The following ASB13 variants were observed in gnomAD, a reference collection of about 807,000 sequenced individuals.
ASB13 encodes ankyrin repeat and SOCS box protein 13.
ASB13 carries 33 observed loss-of-function variants against 28.8 expected under a neutral mutation model. The observed-to-expected ratio is 1.15, with a 90% CI of 0.87 to 1.53. The LOEUF (loss-of-function observed/expected upper bound fraction) is 1.53, where lower values mean the gene tolerates loss of function less well. ASB13 is among the 40% of genes most tolerant of loss of function. The pLI is 0.00. For synonymous variants in ASB13, 182 were observed against 172.9 expected (o/e 1.05, Z -0.41); for missense variants, 414 against 390.1 (o/e 1.06, Z -0.52).
rs1835216136 is a variant in ASB13, at chr10:5,664,060, G to A, written c.43+2449C>T. Reference sequence around the variant, plus strand: ...TGGGGAGTGATTTCCAGACCATCGGGGGAGCTGGAGAGCAGGCTGGTGCAG... The same window carrying A: ...TGGGGAGTGATTTCCAGACCATCGGAGGAGCTGGAGAGCAGGCTGGTGCAG... On this transcript the variant is annotated intron_variant, in intron 1 of 5. Transcript: ENST00000357700. This position sits in a 1 kb window ranked among gnomAD's most constrained non-coding sequence, Gnocchi z 4.2. 6.6e-6 allele frequency among the ~76,000 whole-genome samples: 1 copy of A among 152,134 alleles called. No individual in the cohort carries two copies. Among genetic ancestry groups the A allele is most frequent in the South Asian group, 2.1e-4 (1 of 4,824 alleles).
At position 5,645,048 on chromosome 10, in the gene ASB13, G is replaced by A. The variant is rs1036375354; in HGVS notation, c.518-3087C>T. ...TAAAAGCTCTGAACTTCGTGCTTCA[G>A]AGAAAAGGGGTCAACACAGGCTCAT... On this transcript the variant is annotated intron_variant, in intron 4 of 5. Transcript: ENST00000357700. This position sits in a 1 kb window ranked among gnomAD's most constrained non-coding sequence, Gnocchi z 5.4. Among the ~76,000 whole-genome samples, 1 of 152,022 alleles carries A rather than the reference G, an allele frequency of 6.6e-6. No homozygotes were observed. Among genetic ancestry groups the A allele is most frequent in the African/African-American group, 2.4e-5 (1 of 41,386 alleles).
rs1835124499 is a variant in ASB13, at chr10:5,659,444, C to T, written c.44-6394G>A. Among the ~76,000 whole-genome samples, 1 of 152,192 alleles carries T rather than the reference C, an allele frequency of 6.6e-6. No individual in the cohort carries two copies. The highest frequency in any genetic ancestry group is 1.5e-5 in the Non-Finnish European group (1 of 68,030). ...ACCATGCAGTCACAGGCCCTGTCCCCAGGCTCCCCGTCATGCACACAGCCG... is the reference window on the plus strand; with the variant it reads ...ACCATGCAGTCACAGGCCCTGTCCCTAGGCTCCCCGTCATGCACACAGCCG... On this transcript the variant is annotated intron_variant, in intron 1 of 5. Coordinates refer to ENST00000357700, the MANE Select transcript of ASB13 (RefSeq NM_024701.4). This position sits in a 1 kb window ranked among gnomAD's most constrained non-coding sequence, Gnocchi z 5.8.
At position 5,659,683 on chromosome 10, in the gene ASB13, A is replaced by C; in HGVS notation, c.44-6633T>G. ...CACCCCCCCACGCCATCTCCACACT[A>C]TTGCCCCACCACCAGCTGATCAGCA... On this transcript the variant is annotated intron_variant, in intron 1 of 5. Coordinates refer to ENST00000357700, the MANE Select transcript of ASB13 (RefSeq NM_024701.4). The surrounding 1 kb of genome is among the most constrained non-coding windows in gnomAD (Gnocchi z 5.8). Among the ~76,000 whole-genome samples the C allele has an allele frequency of 6.7e-6, 1 of 149,468 alleles. No homozygotes were observed. Among genetic ancestry groups the C allele is most frequent in the African/African-American group, 2.5e-5 (1 of 40,310 alleles).
chr10:5,652,692 T>TC lies in ASB13; in HGVS notation c.231+170dup, dbSNP rs1835005940. Among the ~76,000 whole-genome samples, 1 of 152,262 alleles carries TC rather than the reference T, an allele frequency of 6.6e-6. No individual in the cohort carries two copies. The highest frequency in any genetic ancestry group is 2.4e-5 in the African/African-American group (1 of 41,568). On this transcript the variant is annotated intron_variant, in intron 2 of 5. Coordinates refer to ENST00000357700, the MANE Select transcript of ASB13 (RefSeq NM_024701.4). The surrounding 1 kb of genome is among the most constrained non-coding windows in gnomAD (Gnocchi z 5.0). ...TGCCCTTTCTTCCACCACCGTGACC[T>TC]CCTAACAGCCAGGTCCACGAGCACT...
rs1835215542 is a variant in ASB13 at position 5,664,044 on chromosome 10, A to G, written c.43+2465T>C. Among the ~76,000 whole-genome samples, 1 of 152,140 alleles carries G rather than the reference A, an allele frequency of 6.6e-6. No individual in the cohort carries two copies. The highest frequency in any genetic ancestry group is 6.5e-5 in the Admixed American group (1 of 15,280). The stretch of plus-strand genomic sequence containing the variant: ...TAGAAAACAAACAGGCTGGGGAGTG[A>G]TTTCCAGACCATCGGGGGAGCTGGA... On this transcript the variant is annotated intron_variant, in intron 1 of 5. Transcript: ENST00000357700. This position sits in a 1 kb window ranked among gnomAD's most constrained non-coding sequence, Gnocchi z 4.2.
Position 5,660,626 on chromosome 10 carries a change from C to G in ASB13, c.43+5883G>C, listed in dbSNP as rs1396077509. Among the ~76,000 whole-genome samples the G allele has an allele frequency of 6.6e-6, 1 of 152,178 alleles. No homozygotes were observed. Among genetic ancestry groups the G allele is most frequent in the African/African-American group, 2.4e-5 (1 of 41,434 alleles). On this transcript the variant is annotated intron_variant, in intron 1 of 5. Transcript: ENST00000357700. This position sits in a 1 kb window ranked among gnomAD's most constrained non-coding sequence, Gnocchi z 6.1. ...ACTGAAGAAAATCGTGCCTGGCCACCTGTAAATGCTGTGAGTAACAGGCAC... is the reference window on the plus strand; with the variant it reads ...ACTGAAGAAAATCGTGCCTGGCCACGTGTAAATGCTGTGAGTAACAGGCAC...
At position 5,664,684 on chromosome 10, in the gene ASB13, A is replaced by T. The variant is rs550723705; in HGVS notation, c.43+1825T>A. ...AATTTCTTTATTTCTTTATTTATTTATTTTATTTATTTTTGAGACGGAGTC... is the reference window on the plus strand; with the variant it reads ...AATTTCTTTATTTCTTTATTTATTTTTTTTATTTATTTTTGAGACGGAGTC... On this transcript the variant is annotated intron_variant, in intron 1 of 5. Transcript: ENST00000357700. This position sits in a 1 kb window ranked among gnomAD's most constrained non-coding sequence, Gnocchi z 4.2. Among the ~76,000 whole-genome samples the T allele has an allele frequency of 1.3e-5, 2 of 152,044 alleles. No homozygotes were observed. Among genetic ancestry groups the T allele is most frequent in the African/African-American group, 4.8e-5 (2 of 41,478 alleles).
Position 5,663,258 on chromosome 10 carries a change from AG to A in ASB13, c.43+3250del, listed in dbSNP as rs1193339639. Among the ~76,000 whole-genome samples, 1 of 152,216 alleles carries A rather than the reference AG, an allele frequency of 6.6e-6. No homozygotes were observed. The highest frequency in any genetic ancestry group is 1.5e-5 in the Non-Finnish European group (1 of 68,038). On this transcript the variant is annotated intron_variant, in intron 1 of 5. Transcript: ENST00000357700. The surrounding 1 kb of genome is among the most constrained non-coding windows in gnomAD (Gnocchi z 4.9). ...AGAGGTGAAAATAGGTGGGCTAAGG[AG>A]TAAAGGAACTGGGAGAAAGGACCGA... is the stretch of plus-strand genomic sequence containing the variant.
intron 1 of ASB13, among the ~76,000 whole-genome samples, chr10:5,657,339 A>C (rs1835088904): frequency 6.6e-6 from 1 of 152,210 alleles, no homozygotes; most frequent in Non-Finnish European, 1.5e-5. Flanking sequence ...AAACAAAAAA[A>C]ACAAATAACC....
At position 5,641,688 on chromosome 10, in the gene ASB13, C is replaced by T. The variant is rs1389520269; in HGVS notation, c.709+82G>A. 10 of 1,422,724 alleles carry T rather than the reference C, an allele frequency of 7.0e-6. No individual in the cohort carries two copies. Among genetic ancestry groups the T allele is most frequent in the Admixed American group, 2.1e-5 (1 of 47,110 alleles). 88.1% of individuals were successfully genotyped at this position (1,422,724 alleles called of 1,614,324 possible). On this transcript the variant is annotated intron_variant, in intron 5 of 5. Transcript: ENST00000357700. This position sits in a 1 kb window ranked among gnomAD's most constrained non-coding sequence, Gnocchi z 8.4. ...CCAGGACTAACAGCCCAGCTCTCCGCGGAAGCCCACAGGGAGCCGGCACGT... is the reference window on the plus strand; with the variant it reads ...CCAGGACTAACAGCCCAGCTCTCCGTGGAAGCCCACAGGGAGCCGGCACGT...
intron 1 of ASB13, 67 bp downstream of exon 1, chr10:5,666,442 G>GAT: frequency 8.1e-7 from 1 of 1,232,810 alleles, no homozygotes; most frequent in African/African-American, 1.6e-5. Context: ...CAGGCCATCG[G>GAT]ATACGCGGCC....
At position 5,652,479 on chromosome 10, in the gene ASB13, T is replaced by G. The variant is rs545917448; in HGVS notation, c.231+384A>C. ...AACACAGTTTTGTTTTTGTTCCTTT[T>G]TTCAGAGAGCTGGCTGGCCAGCATC... On this transcript the variant is annotated intron_variant, in intron 2 of 5. Transcript: ENST00000357700. The surrounding 1 kb of genome is among the most constrained non-coding windows in gnomAD (Gnocchi z 5.0). 6.2e-4 allele frequency among the ~76,000 whole-genome samples: 94 copies of G among 152,324 alleles called. No homozygotes were observed. Among genetic ancestry groups the G allele is most frequent in the African/African-American group, 2.2e-3 (90 of 41,574 alleles).
At position 5,649,932 on chromosome 10, in the gene ASB13, C is replaced by G. The variant is rs576211874; in HGVS notation, c.383-828G>C. Among the ~76,000 whole-genome samples, 242 of 152,322 alleles carry G rather than the reference C, an allele frequency of 1.6e-3. No homozygotes were observed. The highest frequency in any genetic ancestry group is 2.5e-3 in the Non-Finnish European group (172 of 68,018). ...CGCCCCTGCACATTCCGTCTAGGCT[C>G]CAACCTTTCCGTTCACTCAATTACC... On this transcript the variant is annotated intron_variant, in intron 3 of 5. Coordinates refer to ENST00000357700, the MANE Select transcript of ASB13 (RefSeq NM_024701.4). The surrounding 1 kb of genome is among the most constrained non-coding windows in gnomAD (Gnocchi z 6.4).
Position 5,644,420 on chromosome 10 carries a change from C to T in ASB13, c.518-2459G>A, listed in dbSNP as rs957434818. ...CTGAGGTAGGAGGATCACTTGAGCC[C>T]GGGAGGTTGAGGCTGCAGCAAGCCA... On this transcript the variant is annotated intron_variant, in intron 4 of 5. Coordinates refer to ENST00000357700, the MANE Select transcript of ASB13 (RefSeq NM_024701.4). The surrounding 1 kb of genome is among the most constrained non-coding windows in gnomAD (Gnocchi z 5.1). Among the ~76,000 whole-genome samples, 7 of 152,032 alleles carry T rather than the reference C, an allele frequency of 4.6e-5. No homozygotes were observed. Among genetic ancestry groups the T allele is most frequent in the Non-Finnish European group, 7.4e-5 (5 of 68,008 alleles).
rs74599685 is a variant in ASB13 at position 5,660,258 on chromosome 10, G to A, written c.43+6251C>T. ...GAAGGAATGACACGTGCTTCAGAAC[G>A]TTCTCTCCACTCTTCCACCCACGAT... On this transcript the variant is annotated intron_variant, in intron 1 of 5. Transcript: ENST00000357700. This position sits in a 1 kb window ranked among gnomAD's most constrained non-coding sequence, Gnocchi z 6.1. Among the ~76,000 whole-genome samples the A allele has an allele frequency of 0.019, 2,908 of 152,288 alleles. 153 individuals carry two copies. The highest frequency in any genetic ancestry group is 0.11 in the Admixed American group (1,756 of 15,300).
In ASB13 at chr10:5,651,145, C is replaced by T; in HGVS notation, c.382+68G>A. The T allele has an allele frequency of 6.6e-7, 1 of 1,515,796 alleles. No homozygotes were observed. Among genetic ancestry groups the T allele is most frequent in the Non-Finnish European group, 8.9e-7 (1 of 1,128,600 alleles). The allele number at this position is 1,515,796 out of a possible 1,614,324, so 93.9% of individuals were successfully genotyped here. On this transcript the variant is annotated intron_variant, in intron 3 of 5. Coordinates refer to ENST00000357700, the MANE Select transcript of ASB13 (RefSeq NM_024701.4). The surrounding 1 kb of genome is among the most constrained non-coding windows in gnomAD (Gnocchi z 5.1). Reference sequence around the variant, plus strand: ...TCTACTCTGCTTCCTTCCCTAAGTCCCTTTAATCCCAGAAAGGAGGAAACT... The same window carrying T: ...TCTACTCTGCTTCCTTCCCTAAGTCTCTTTAATCCCAGAAAGGAGGAAACT...
At chr10:5,647,409 G>C (rs1173587089) in intron 4 of ASB13, among the ~76,000 whole-genome samples, 1 of 152,188 alleles carries the variant, frequency 6.6e-6, no homozygotes, top group Non-Finnish European at 1.5e-5. Context: ...GTATAGACAG[G>C]TCCTGAGCCT....
At position 5,652,657 on chromosome 10, in the gene ASB13, T is replaced by G. The variant is rs1304850717; in HGVS notation, c.231+206A>C. 6.6e-6 allele frequency among the ~76,000 whole-genome samples: 1 copy of G among 152,146 alleles called. No individual in the cohort carries two copies. Among genetic ancestry groups the G allele is most frequent in the African/African-American group, 2.4e-5 (1 of 41,428 alleles). ...CAGGGCTGGCACTCCCATCATCAAT[T>G]TGCTCAGGCTGCCCTTTCTTCCACC... On this transcript the variant is annotated intron_variant, in intron 2 of 5. Coordinates refer to ENST00000357700, the MANE Select transcript of ASB13 (RefSeq NM_024701.4). This position sits in a 1 kb window ranked among gnomAD's most constrained non-coding sequence, Gnocchi z 5.0.
Position 5,663,370 on chromosome 10 carries a change from T to C in ASB13, c.43+3139A>G, listed in dbSNP as rs1271474111. Among the ~76,000 whole-genome samples, 1 of 152,176 alleles carries C rather than the reference T, an allele frequency of 6.6e-6. No individual in the cohort carries two copies. Among genetic ancestry groups the C allele is most frequent in the Admixed American group, 6.5e-5 (1 of 15,276 alleles). On this transcript the variant is annotated intron_variant, in intron 1 of 5. Coordinates refer to ENST00000357700, the MANE Select transcript of ASB13 (RefSeq NM_024701.4). This position sits in a 1 kb window ranked among gnomAD's most constrained non-coding sequence, Gnocchi z 4.9. ...CACACTGGATTCGCTGCATTATCCT[T>C]CAATGTCTCCTCCCCTGACTCCCTC...
Sources: gnomAD v4.1 joint callset for allele counts (sites outside exome capture counted in the v4.1 genomes callset) on GRCh38, gnomAD v4.1.1 for gene constraint, Gnocchi (gnomAD v3.1) non-coding constraint, MANE v1.5 for transcripts, NCBI Gene and HGNC (gene_info 2026-07-23, HGNC 2026-07-21) for gene names.